TRIM63: variants seen among roughly 807,000 people sequenced by gnomAD.
The protein encoded by TRIM63 is E3 ubiquitin-protein ligase TRIM63.
In TRIM63, 48 loss-of-function variants were observed where a neutral mutation model predicts 46.0. The ratio of observed to expected loss-of-function variants is 1.04; its 90% CI spans 0.83 to 1.33. The LOEUF is 1.33. Ranked by LOEUF, TRIM63 falls within the 40% of genes most tolerant of loss-of-function variation. The pLI is 0.00. For synonymous variants in TRIM63, 175 were observed against 162.8 expected, an observed-to-expected ratio of 1.08 and a Z score of -0.57; for missense variants, 455 against 441.2, an observed-to-expected ratio of 1.03 and a Z score of -0.28.
At chr1:26,056,122 G>A (rs996459472) in intron 7 of TRIM63, among the ~76,000 whole-genome samples, 1 of 152,132 alleles carries the variant, frequency 6.6e-6, no homozygotes, top group Non-Finnish European at 1.5e-5. Flanking sequence ...TCAGACCAAC[G>A]CAACAGTCAG....
At chr1:26,058,992 T>C (rs1432892381) in intron 4 of TRIM63, among the ~76,000 whole-genome samples, 2 of 151,234 alleles carry the variant, frequency 1.3e-5, no homozygotes, top group South Asian at 4.2e-4. Flanking sequence ...AGTCACCCAA[T>C]GTGGGATCTG....
In TRIM63 at chr1:26,051,885, T is replaced by C; in HGVS notation, c.1052-2A>G. 1 of 1,314,110 alleles carries C rather than the reference T, an allele frequency of 7.6e-7. No individual in the cohort carries two copies. The highest frequency in any genetic ancestry group is 9.8e-7 in the Non-Finnish European group (1 of 1,022,220). 81.4% of individuals were successfully genotyped at this position (1,314,110 alleles called of 1,614,324 possible). A position where few individuals can be genotyped will look rare whatever the true frequency, so the allele number is the denominator to read the frequency against. ...TTCATCCAGCTCCTTACTGGTGTCC[T>C]GAAATGAAGAAAAAGATACAGAGGC... On this transcript the variant is annotated splice_acceptor_variant, in intron 8 of 8. Transcript: ENST00000374272. LOFTEE classifies it high-confidence loss of function.
chr1:26,067,618 G>C lies in TRIM63; in HGVS notation c.-124C>G. 1 of 1,081,582 alleles carries C rather than the reference G, an allele frequency of 9.2e-7. No individual in the cohort carries two copies. Among genetic ancestry groups the C allele is most frequent in the Non-Finnish European group, 1.3e-6 (1 of 765,002 alleles). 67.0% of individuals were successfully genotyped at this position (1,081,582 alleles called of 1,614,324 possible). A position where few individuals can be genotyped will look rare whatever the true frequency, so the allele number is the denominator to read the frequency against. On this transcript the variant is annotated 5_prime_UTR_variant, in exon 1 of 9. Transcript: ENST00000374272. Reference sequence around the variant, plus strand: ...GGATCCTGTTGGCTTCCTTCTCCTGGTGCCCGAATTCTGTCTTGGTCTGAG... The same window carrying C: ...GGATCCTGTTGGCTTCCTTCTCCTGCTGCCCGAATTCTGTCTTGGTCTGAG...
rs541190712 is a variant in TRIM63 at position 26,054,114 on chromosome 1, G to A, written c.980-150C>T. ...ACAGCGGCGGCAGTGGTCTGGGAGGGGATGGGCTTGCCAGACCCACGCTGC... is the reference window on the plus strand; with the variant it reads ...ACAGCGGCGGCAGTGGTCTGGGAGGAGATGGGCTTGCCAGACCCACGCTGC... On this transcript the variant is annotated intron_variant, in intron 7 of 8. Transcript: ENST00000374272. 3.7e-3 allele frequency: 2,093 copies of A among 561,370 alleles called. 7 individuals carry two copies. Among genetic ancestry groups the A allele is most frequent in the Non-Finnish European group, 3.7e-3 (1,188 of 325,318 alleles). The allele number at this position is 561,370 out of a possible 1,614,324, so 34.8% of individuals were successfully genotyped here. A position where few individuals can be genotyped will look rare whatever the true frequency, so the allele number is the denominator to read the frequency against.
At chr1:26,059,632 A>G (rs2050604841) in intron 4 of TRIM63, among the ~76,000 whole-genome samples, 2 of 152,128 alleles carry the variant, frequency 1.3e-5, no homozygotes, top group African/African-American at 4.8e-5. Flanking sequence ...CCCTTCGCCC[A>G]ACTCTTCATC....
Position 26,067,386 on chromosome 1 carries a change from A to C in TRIM63, c.109T>G (p.Leu37Val). The C allele has an allele frequency of 6.2e-7, 1 of 1,614,186 alleles. No homozygotes were observed. The highest frequency in any genetic ancestry group is 8.5e-7 in the Non-Finnish European group (1 of 1,180,034). ...LEMFTKPVVI[L>V]PCQHNLCRKC... Reference sequence around the variant, plus strand: ...CGGCACAGGTTGTGCTGGCACGGCAAGATGACCACTGGCTTGGTAAACATC... The same window carrying C: ...CGGCACAGGTTGTGCTGGCACGGCACGATGACCACTGGCTTGGTAAACATC... Residue 37 changes from leucine to valine, a missense_variant, in exon 1 of 9, where the codon TTG (leucine) becomes GTG (valine). By Grantham distance (32) the Leu-to-Val change is conservative. Transcript: ENST00000374272.
At chr1:26,055,174 T>C (rs1357234956) in intron 7 of TRIM63, among the ~76,000 whole-genome samples, 1 of 151,680 alleles carries the variant, frequency 6.6e-6, no homozygotes, top group African/African-American at 2.4e-5. Flanking sequence ...TCACAAGAGT[T>C]TTGCAAGCCA....
rs755340677 is a variant in TRIM63, at chr1:26,058,536, G to A, written c.685C>T (p.Gln229Ter). The change falls in exon 5 of 9, where the codon CAG becomes TAG. Residue 229 changes from glutamine (Q) to a stop codon, truncating the protein, a stop_gained. Coordinates refer to ENST00000374272, the MANE Select transcript of TRIM63 (RefSeq NM_032588.4). LOFTEE classifies it high-confidence loss of function. ...TTCTCCTGCTCCTGCGTGATCCGCT[G>A]CAGCAACTCACTTTTCTTCTCATCC... ...ILDEKKSELL[Q>*]RITQEQEKKL... 1 of 1,614,192 alleles carries A rather than the reference G, an allele frequency of 6.2e-7. No individual in the cohort carries two copies. Among genetic ancestry groups the A allele is most frequent in the South Asian group, 1.1e-5 (1 of 91,084 alleles).
rs1251324811 is a variant in TRIM63, at chr1:26,056,695, G to A, written c.979+508C>T. Among the ~76,000 whole-genome samples the A allele has an allele frequency of 2.6e-5, 4 of 151,578 alleles. No homozygotes were observed. The East Asian group carries it at 7.7e-4, about 29-fold the overall frequency. ...CATGGATCCATATGTAATTTATGAAGCAGGAATTCTGCACCAGGCACTGTG... is the reference window on the plus strand; with the variant it reads ...CATGGATCCATATGTAATTTATGAAACAGGAATTCTGCACCAGGCACTGTG... On this transcript the variant is annotated intron_variant, in intron 7 of 8. Coordinates refer to ENST00000374272, the MANE Select transcript of TRIM63 (RefSeq NM_032588.4).
intron 1 of TRIM63, among the ~76,000 whole-genome samples, 186 bp from the exon 2 acceptor site, chr1:26,066,626 C>A (rs909127575): frequency 1.3e-5 from 2 of 152,284 alleles, no homozygotes; most frequent in African/African-American, 2.4e-5. Context: ...GCTAAGCAAT[C>A]GTCAGGATGG....
At chr1:26,061,736 T>C (rs1437454932) in intron 2 of TRIM63, among the ~76,000 whole-genome samples, 1 of 152,188 alleles carries the variant, frequency 6.6e-6, no homozygotes, top group Non-Finnish European at 1.5e-5. Flanking sequence ...ATACAGCAAG[T>C]AAGGGCAGAG....
chr1:26,059,245 A>G lies in TRIM63; in HGVS notation c.598-622T>C, dbSNP rs554607490. On this transcript the variant is annotated intron_variant, in intron 4 of 8. Coordinates refer to ENST00000374272, the MANE Select transcript of TRIM63 (RefSeq NM_032588.4). ...CACCATGTTGGCCAGGATGGTCTCG[A>G]TCTCCTGACCTCATGATCCACCCAG... Among the ~76,000 whole-genome samples, 238 of 151,938 alleles carry G rather than the reference A, an allele frequency of 1.6e-3. 1 individual carries two copies. Among genetic ancestry groups the G allele is most frequent in the African/African-American group, 5.6e-3 (230 of 41,408 alleles).
rs1341888611 is a variant in TRIM63, at chr1:26,051,313, C to T, written c.*560G>A. ...ATGAAACCCCGGCTCCTTTGAAGAA[C>T]AGGAAGAGAGCATTGTGCATTTATT... is the stretch of plus-strand genomic sequence containing the variant. On this transcript the variant is annotated 3_prime_UTR_variant, in exon 9 of 9. Coordinates refer to ENST00000374272, the MANE Select transcript of TRIM63 (RefSeq NM_032588.4). The T allele has an allele frequency of 2.0e-5, 3 of 152,374 alleles. No individual in the cohort carries two copies. The highest frequency in any genetic ancestry group is 2.9e-5 in the Non-Finnish European group (2 of 68,058). The allele number at this position is 152,374 out of a possible 1,614,324, so 9.4% of individuals were successfully genotyped here.
chr1:26,064,168 C>A (rs183259077), intron 2 of TRIM63, among the ~76,000 whole-genome samples: 2 of 152,152 alleles, frequency 1.3e-5, no homozygotes, highest in African/African-American at 4.8e-5. Flanking sequence ...TGGTGGTGCA[C>A]GTCTGTAATC....
intron 8 of TRIM63, among the ~76,000 whole-genome samples, chr1:26,052,344 C>T (rs2050530031): frequency 6.6e-6 from 1 of 152,152 alleles, no homozygotes; most frequent in Non-Finnish European, 1.5e-5. Flanking sequence ...TCAAACTCTG[C>T]CAGGCTGGCA....
intron 2 of TRIM63, 25 bp downstream of exon 2, chr1:26,066,243 G>T: frequency 6.2e-7 from 1 of 1,612,800 alleles, no homozygotes; most frequent in Admixed American, 1.7e-5. Context: ...AGGAGGGCGG[G>T]CCCCCAGCAG....
At chr1:26,060,742 G>A (rs1047802285) in intron 3 of TRIM63, among the ~76,000 whole-genome samples, 4 of 152,334 alleles carry the variant, frequency 2.6e-5, no homozygotes, top group Admixed American at 6.5e-5. Flanking sequence ...GGGTGGCTAC[G>A]GCTTACTGCA....
At position 26,057,698 on chromosome 1, in the gene TRIM63, C is replaced by T. The variant is rs767269866; in HGVS notation, c.832-48G>A. The stretch of plus-strand genomic sequence containing the variant: ...GGATTAGGACCGCAGAAGAGGTAAC[C>T]GCAGGAAATCAGCAAAACTAGTGAA... On this transcript the variant is annotated intron_variant, in intron 5 of 8. Transcript: ENST00000374272. 2.5e-5 allele frequency: 40 copies of T among 1,570,222 alleles called. No homozygotes were observed. The East Asian group carries it at 6.6e-4, about 26-fold the overall frequency.
chr1:26,061,339 A>G lies in TRIM63; in HGVS notation c.333-5T>C. On this transcript the variant is annotated splice_polypyrimidine_tract_variant and splice_region_variant and intron_variant, in intron 2 of 8. Transcript: ENST00000374272. ...CTGCCCTTCTGCAGCGGCCGACTGC[A>G]GTGGAGAACAGTCACAAGTCATGGG... The G allele has an allele frequency of 6.2e-7, 1 of 1,613,456 alleles. No homozygotes were observed. Among genetic ancestry groups the G allele is most frequent in the Non-Finnish European group, 8.5e-7 (1 of 1,179,690 alleles).
Sources: allele counts gnomAD v4.1 joint callset (sites outside exome capture counted in the v4.1 genomes callset), GRCh38; gene constraint gnomAD v4.1.1; transcripts MANE v1.5; gene names NCBI Gene and HGNC (gene_info 2026-07-23, HGNC 2026-07-21).